The following HTR4 variants were observed in gnomAD, a reference collection of about 807,000 sequenced individuals.
HTR4 encodes the protein 5-hydroxytryptamine (serotonin) receptor 4, G protein-coupled.
A neutral mutation model predicts 36.8 loss-of-function variants in HTR4; 16 were observed. That is an observed-to-expected ratio of 0.43 (90% CI 0.29 to 0.66). The LOEUF (loss-of-function observed/expected upper bound fraction) is 0.66, where lower values mean the gene tolerates loss of function less well. Ranked by LOEUF, HTR4 falls within the 30% of genes least tolerant of loss-of-function variation. HTR4 has a pLI of 0.13. For missense variants in HTR4, 438 were observed against 490.9 expected (o/e 0.89, Z 1.02); for synonymous variants, 189 against 185.1 (o/e 1.02, Z -0.17).
intron 5 of HTR4, among the ~76,000 whole-genome samples, chr5:148,454,722 C>G (rs1755056665): frequency 6.6e-6 from 1 of 152,316 alleles, no homozygotes; most frequent in South Asian, 2.1e-4. Context: ...AGTTGCTCTG[C>G]AGGCCAGGCA....
chr5:148,522,689 A>G (rs1249436637), intron 5 of HTR4, among the ~76,000 whole-genome samples: 2 of 152,192 alleles, frequency 1.3e-5, no homozygotes, highest in African/African-American at 4.8e-5. Context: ...GAAATGCAAC[A>G]AGGGAAAGTG....
At chr5:148,650,561 G>C (rs2127319987) in intron 1 of HTR4, among the ~76,000 whole-genome samples, 1 of 152,164 alleles carries the variant, frequency 6.6e-6, no homozygotes, top group South Asian at 2.1e-4. Context: ...GAAGAATAAA[G>C]ACAGAGTTTT....
chr5:148,581,326 G>C (rs1466474096), intron 2 of HTR4, among the ~76,000 whole-genome samples: 4 of 151,790 alleles, frequency 2.6e-5, no homozygotes, highest in Admixed American at 2.0e-4. Context: ...TTCCTTTGCT[G>C]TTCAGAAGTG....
In HTR4 at chr5:148,481,552, CT is replaced by C; in HGVS notation, c.*1650del. The C allele has an allele frequency of 7.1e-7, 1 of 1,406,118 alleles. No homozygotes were observed. Among genetic ancestry groups the C allele is most frequent in the Admixed American group, 2.2e-5 (1 of 44,814 alleles). The allele number at this position is 1,406,118 out of a possible 1,614,324, so 87.1% of individuals were successfully genotyped here. ...CAGAGAGGCTTTTTTTTTTCTTTTT[CT>C]TTTTGGCATTTGGATGGTTTGGTCA... On this transcript the variant is annotated 3_prime_UTR_variant, in exon 7 of 7. Coordinates refer to ENST00000377888, the MANE Select transcript of HTR4 (RefSeq NM_000870.7).
intron 5 of HTR4, among the ~76,000 whole-genome samples, chr5:148,516,049 A>T (rs949733321): frequency 5.4e-4 from 82 of 150,644 alleles, no homozygotes; most frequent in African/African-American, 1.8e-3. Context: ...GATATGATAC[A>T]TATATATACA....
chr5:148,564,625 C>A (rs1478777272), intron 2 of HTR4, among the ~76,000 whole-genome samples: 8 of 152,172 alleles, frequency 5.3e-5, no homozygotes, highest in Non-Finnish European at 1.0e-4. Flanking sequence ...CTCCCCCAGA[C>A]AAGTGCATTT....
intron 2 of HTR4, among the ~76,000 whole-genome samples, chr5:148,587,827 C>T (rs1036929984): frequency 1.3e-5 from 2 of 152,140 alleles, no homozygotes; most frequent in Admixed American, 1.3e-4. Context: ...GTGGCCCCAT[C>T]CTCCCACCTG....
intron 6 of HTR4, among the ~76,000 whole-genome samples, chr5:148,484,975 A>G (rs1056711624): frequency 2.6e-5 from 4 of 152,152 alleles, no homozygotes; most frequent in Non-Finnish European, 4.4e-5. Flanking sequence ...AAAAGAAGGA[A>G]TGAAGGTTAA....
chr5:148,542,818 G>T lies in HTR4; in HGVS notation c.353+5850C>A, dbSNP rs187690002. On this transcript the variant is annotated intron_variant, in intron 4 of 6. Coordinates refer to ENST00000377888, the MANE Select transcript of HTR4 (RefSeq NM_000870.7). ...CTTGGGGATGATATACCTCTGTTTT[G>T]TTGTGGAGGCTCCATAAAGATACCT... Among the ~76,000 whole-genome samples the T allele has an allele frequency of 5.3e-5, 8 of 152,274 alleles. No individual in the cohort carries two copies. In the East Asian group the frequency reaches 1.5e-3, roughly 29 times the overall value.
chr5:148,588,665 C>G, intron 2 of HTR4, among the ~76,000 whole-genome samples: 1 of 150,240 alleles, frequency 6.7e-6, no homozygotes, highest in East Asian at 2.0e-4. Context: ...CTCAGCCTCC[C>G]GAGTAGCTGG....
chr5:148,638,334 T>C (rs1753618328), intron 1 of HTR4, among the ~76,000 whole-genome samples: 1 of 152,196 alleles, frequency 6.6e-6, no homozygotes, highest in Non-Finnish European at 1.5e-5. Flanking sequence ...CATCTGTCTG[T>C]TTTATATTTT....
At chr5:148,575,503 C>A (rs1760857765) in intron 2 of HTR4, among the ~76,000 whole-genome samples, 1 of 152,006 alleles carries the variant, frequency 6.6e-6, no homozygotes, top group South Asian at 2.1e-4. Flanking sequence ...GGGAGCATCA[C>A]CACATTGACA....
At chr5:148,523,007 T>C (rs909730112) in intron 5 of HTR4, among the ~76,000 whole-genome samples, 186 bp downstream of exon 5, 1 of 152,032 alleles carries the variant, frequency 6.6e-6, no homozygotes, top group African/African-American at 2.4e-5. Context: ...AAAGTCTAAC[T>C]AAAGTTGGGT....
At chr5:148,619,103 A>G (rs1752815842) in intron 2 of HTR4, among the ~76,000 whole-genome samples, 1 of 152,226 alleles carries the variant, frequency 6.6e-6, no homozygotes, top group Non-Finnish European at 1.5e-5. Context: ...GAGAAAAAAG[A>G]AAAAGGACCT....
chr5:148,478,034 T>C (rs1755755444), downstream of HTR4, among the ~76,000 whole-genome samples: 2 of 152,198 alleles, frequency 1.3e-5, no homozygotes, highest in Non-Finnish European at 1.5e-5. Flanking sequence ...TTCATGTACA[T>C]GTGTCTCCTT....
At chr5:148,560,457 C>T (rs1760155572) in intron 2 of HTR4, among the ~76,000 whole-genome samples, 1 of 152,128 alleles carries the variant, frequency 6.6e-6, no homozygotes, top group South Asian at 2.1e-4. Context: ...GGTCTTGGGA[C>T]CATACTTTGA....
intron 2 of HTR4, among the ~76,000 whole-genome samples, chr5:148,595,426 T>A (rs923320521): frequency 1.1e-4 from 16 of 151,930 alleles, no homozygotes; most frequent in African/African-American, 3.6e-4. Context: ...ACAAAAGAAA[T>A]TTTCCCATGT....
intron 2 of HTR4, among the ~76,000 whole-genome samples, chr5:148,601,543 G>A (rs1453119372): frequency 2.0e-5 from 3 of 152,174 alleles, no homozygotes; most frequent in Non-Finnish European, 2.9e-5. Flanking sequence ...GCTCACTCCT[G>A]TAATCCCAGC....
At chr5:148,519,077 GAATA>G (rs1279619279) in intron 5 of HTR4, among the ~76,000 whole-genome samples, 6 of 152,138 alleles carry the variant, frequency 3.9e-5, no homozygotes, top group East Asian at 1.9e-4. Flanking sequence ...TTTCTTGAAT[GAATA>G]AATAAATAAA....
Sources: allele counts gnomAD v4.1 joint callset (sites outside exome capture counted in the v4.1 genomes callset), GRCh38; gene constraint gnomAD v4.1.1; transcripts MANE v1.5; gene names NCBI Gene and HGNC (gene_info 2026-07-23, HGNC 2026-07-21).